BTRC: variants seen among roughly 807,000 people sequenced by gnomAD.
The protein encoded by BTRC is beta-transducin repeat containing E3 ubiquitin protein ligase, also known as F-box/WD repeat-containing protein 1A.
In BTRC, 42 loss-of-function variants were observed where a neutral mutation model predicts 85.5. That is an observed-to-expected ratio of 0.49 (90% CI 0.38 to 0.64). The LOEUF (loss-of-function observed/expected upper bound fraction) is 0.64. Ranked by LOEUF, BTRC falls within the 30% of genes least tolerant of loss-of-function variation. The probability of loss-of-function intolerance (pLI) is 0.00; values close to 1 mark genes in which losing one functional copy is unlikely to be tolerated. For missense variants in BTRC, 594 were observed against 743.5 expected, an observed-to-expected ratio of 0.80 and a Z score of 2.34; for synonymous variants, 255 against 263.3, an observed-to-expected ratio of 0.97 and a Z score of 0.30.
intron 1 of BTRC, among the ~76,000 whole-genome samples, chr10:101,363,442 C>CGTTTTT (rs1289878428): frequency 1.5e-4 from 23 of 151,628 alleles, no homozygotes; most frequent in African/African-American, 5.3e-4. Context: ...AGGGGAAGTT[C>CGTTTTT]GTTTTTGTTT....
At chr10:101,451,640 T>C in intron 2 of BTRC, among the ~76,000 whole-genome samples, 1 of 152,156 alleles carries the variant, frequency 6.6e-6, no homozygotes, top group Non-Finnish European at 1.5e-5. Context: ...ATAGACAATA[T>C]ATTTTTTCCC....
In BTRC at chr10:101,471,471, G is replaced by A. The variant is rs1026042067; in HGVS notation, c.235-7897G>A. On this transcript the variant is annotated intron_variant, in intron 3 of 14. Transcript: ENST00000370187. ...TTTGCCCCCGTTATTCTGTTAATAC[G>A]ACAAATTACCTTGATTTTTGTTAAG... 3.9e-5 allele frequency among the ~76,000 whole-genome samples: 6 copies of A among 152,186 alleles called. No individual in the cohort carries two copies. The East Asian group carries it at 1.2e-3, about 29-fold the overall frequency.
chr10:101,515,288 G>A (rs1264365958), intron 4 of BTRC, among the ~76,000 whole-genome samples: 3 of 151,862 alleles, frequency 2.0e-5, no homozygotes. Context: ...TTTTGGTTAA[G>A]TTTAGGTCCT....
At chr10:101,471,844 GT>G (rs2134199472) in intron 3 of BTRC, among the ~76,000 whole-genome samples, 1 of 152,290 alleles carries the variant, frequency 6.6e-6, no homozygotes, top group African/African-American at 2.4e-5. Flanking sequence ...GGTAATTTGT[GT>G]TTTTGAAGAA....
At chr10:101,538,231 C>G in intron 12 of BTRC, 62 bp from the exon 13 acceptor site, 1 of 1,360,278 alleles carries the variant, frequency 7.4e-7, no homozygotes, top group Non-Finnish European at 1.1e-6. Flanking sequence ...TTCTGCTATT[C>G]TTCCCTGCCT....
At chr10:101,539,217 A>T (rs1044530787) in intron 13 of BTRC, among the ~76,000 whole-genome samples, 1 of 152,208 alleles carries the variant, frequency 6.6e-6, no homozygotes, top group Non-Finnish European at 1.5e-5. Flanking sequence ...AAAAGGAGGA[A>T]TGCACTAAAT....
chr10:101,466,224 C>G (rs1330859513), intron 3 of BTRC, among the ~76,000 whole-genome samples: 1 of 152,184 alleles, frequency 6.6e-6, no homozygotes, highest in Non-Finnish European at 1.5e-5. Flanking sequence ...TATGTGTCCA[C>G]TTACCATCCT....
intron 1 of BTRC, among the ~76,000 whole-genome samples, chr10:101,387,527 A>ATTTTTTTTTTTTTTT (rs1564741908): frequency 5.9e-5 from 1 of 17,006 alleles, no homozygotes; most frequent in Non-Finnish European, 8.4e-5. Context: ...CCTTCATGGG[A>ATTTTTTTTTTTTTTT]CTTTTTTTTT....
intron 13 of BTRC, among the ~76,000 whole-genome samples, chr10:101,548,159 CTT>C (rs1012075755): frequency 3.9e-5 from 6 of 152,186 alleles, no homozygotes; most frequent in Non-Finnish European, 8.8e-5. Context: ...ATTGGCATGA[CTT>C]TTAAAAAATT....
intron 1 of BTRC, among the ~76,000 whole-genome samples, chr10:101,404,031 T>TATATATATATATA: frequency 8.2e-5 from 1 of 12,134 alleles, no homozygotes; most frequent in African/African-American, 4.2e-4. Context: ...TATATATATA[T>TATATATATATATA]TTTTTTTTTT....
At chr10:101,357,347 A>G (rs1055844341) in intron 1 of BTRC, among the ~76,000 whole-genome samples, 44 of 149,298 alleles carry the variant, frequency 2.9e-4, no homozygotes, top group African/African-American at 1.1e-3. Flanking sequence ...AGGCTGAGGC[A>G]GTAGAATCAC....
chr10:101,356,840 A>G (rs1942047589), intron 1 of BTRC, among the ~76,000 whole-genome samples: 1 of 152,178 alleles, frequency 6.6e-6, no homozygotes, highest in African/African-American at 2.4e-5. Context: ...AGTTTTAAGA[A>G]AGGAAGATAG....
chr10:101,369,927 C>T (rs1942584471), intron 1 of BTRC, among the ~76,000 whole-genome samples: 1 of 152,166 alleles, frequency 6.6e-6, no homozygotes, highest in African/African-American at 2.4e-5. Context: ...CCCACACCCA[C>T]TATATAGATG....
At chr10:101,501,220 C>T (rs1946393403) in intron 4 of BTRC, among the ~76,000 whole-genome samples, 1 of 152,012 alleles carries the variant, frequency 6.6e-6, no homozygotes, top group East Asian at 1.9e-4. Context: ...GCTTAAACGC[C>T]AATATGATGG....
Position 101,524,593 on chromosome 10 carries a change from A to G in BTRC, c.557-1420A>G, listed in dbSNP as rs549975015. 9.7e-4 allele frequency among the ~76,000 whole-genome samples: 147 copies of G among 152,282 alleles called. 2 individuals are homozygous for G. The highest frequency in any genetic ancestry group is 3.4e-3 in the African/African-American group (141 of 41,562). Reference sequence around the variant, plus strand: ...TTTGTTTGGAGTGTTAGGTGAAATTACTTCCAAAGACTTATTTATAGGTAC... The same window carrying G: ...TTTGTTTGGAGTGTTAGGTGAAATTGCTTCCAAAGACTTATTTATAGGTAC... On this transcript the variant is annotated intron_variant, in intron 5 of 14. Coordinates refer to ENST00000370187, the MANE Select transcript of BTRC (RefSeq NM_033637.4).
chr10:101,421,431 A>C (rs1944096004), intron 1 of BTRC, among the ~76,000 whole-genome samples: 1 of 152,088 alleles, frequency 6.6e-6, no homozygotes, highest in Non-Finnish European at 1.5e-5. Flanking sequence ...CTAACTACTC[A>C]TCAACGTGTA....
intron 2 of BTRC, among the ~76,000 whole-genome samples, chr10:101,461,101 C>T (rs1945213472): frequency 6.6e-6 from 1 of 152,158 alleles, no homozygotes; most frequent in South Asian, 2.1e-4. Context: ...ACAGTTTCAG[C>T]ATGTTGGCCA....
chr10:101,386,746 T>G (rs938776888), intron 1 of BTRC, among the ~76,000 whole-genome samples: 1 of 152,184 alleles, frequency 6.6e-6, no homozygotes, highest in Non-Finnish European at 1.5e-5. Context: ...TTTCCGAGTC[T>G]TTGTTTTGTT....
At chr10:101,413,750 G>T (rs1411979698) in intron 1 of BTRC, among the ~76,000 whole-genome samples, 1 of 152,194 alleles carries the variant, frequency 6.6e-6, no homozygotes, top group Non-Finnish European at 1.5e-5. Flanking sequence ...ATGTTAGATT[G>T]TGACCTTGCT....
Sources: gnomAD v4.1 joint callset for allele counts (sites outside exome capture counted in the v4.1 genomes callset) on GRCh38, gnomAD v4.1.1 for gene constraint, MANE v1.5 for transcripts, NCBI Gene and HGNC (gene_info 2026-07-23, HGNC 2026-07-21) for gene names.